CACNB2: variants seen among roughly 807,000 people sequenced by gnomAD.
CACNB2 encodes calcium voltage-gated channel auxiliary subunit beta 2, also known as voltage-dependent L-type calcium channel subunit beta-2.
In CACNB2, 42 loss-of-function variants were observed where a neutral mutation model predicts 73.3. The ratio of observed to expected loss-of-function variants is 0.57; its 90% confidence interval spans 0.45 to 0.74. The LOEUF (loss-of-function observed/expected upper bound fraction) is 0.74, where lower values mean the gene tolerates loss of function less well. Ranked by LOEUF, CACNB2 falls within the 30% of genes least tolerant of loss-of-function variation. The pLI is 0.00. For synonymous variants in CACNB2, 348 were observed against 310.3 expected (o/e 1.12, Z -1.28); for missense variants, 940 against 853.0 (o/e 1.10, Z -1.27).
intron 2 of CACNB2, among the ~76,000 whole-genome samples, chr10:18,388,818 T>C (rs1219162301): frequency 6.6e-6 from 1 of 152,222 alleles, no homozygotes; most frequent in African/African-American, 2.4e-5. Context: ...TTCTTTTAAT[T>C]ATTTTCTTGC....
intron 2 of CACNB2, among the ~76,000 whole-genome samples, chr10:18,261,677 G>A (rs550802039): frequency 6.6e-6 from 1 of 152,092 alleles, no homozygotes; most frequent in East Asian, 1.9e-4. Flanking sequence ...ATGGGATGGT[G>A]GGGGGAAGAA....
At chr10:18,228,110 G>C (rs961016768) in intron 2 of CACNB2, among the ~76,000 whole-genome samples, 1 of 152,154 alleles carries the variant, frequency 6.6e-6, no homozygotes, top group Non-Finnish European at 1.5e-5. Context: ...TGGGTTAGTT[G>C]ATGGTTCATT....
intron 10 of CACNB2, among the ~76,000 whole-genome samples, chr10:18,529,982 A>T (rs1343437139): frequency 2.0e-5 from 3 of 152,210 alleles, no homozygotes; most frequent in Non-Finnish European, 4.4e-5. Flanking sequence ...GAGCAAAGTC[A>T]CATCTTACAT....
intron 3 of CACNB2, among the ~76,000 whole-genome samples, chr10:18,486,097 G>C (rs115301613): frequency 6.6e-6 from 1 of 152,004 alleles, no homozygotes; most frequent in Non-Finnish European, 1.5e-5. Context: ...ATTCACCTTT[G>C]TATTAGGAAA....
chr10:18,294,818 G>C (rs929951501), intron 2 of CACNB2, among the ~76,000 whole-genome samples: 3 of 152,184 alleles, frequency 2.0e-5, no homozygotes, highest in African/African-American at 7.2e-5. Flanking sequence ...GTATGTATTT[G>C]CATATCTTTA....
intron 2 of CACNB2, among the ~76,000 whole-genome samples, chr10:18,308,277 A>G (rs1442076457): frequency 1.3e-5 from 2 of 152,118 alleles, no homozygotes; most frequent in Non-Finnish European, 2.9e-5. Context: ...TATAGGCGTG[A>G]ACCACCACGC....
At chr10:18,496,462 C>T (rs183268663) in intron 3 of CACNB2, among the ~76,000 whole-genome samples, 12 of 152,214 alleles carry the variant, frequency 7.9e-5, no homozygotes, top group African/African-American at 2.4e-4. Context: ...AGGTAGAGAG[C>T]GCATTGAATA....
intron 2 of CACNB2, among the ~76,000 whole-genome samples, chr10:18,172,221 G>A (rs369130617): frequency 4.6e-5 from 7 of 152,110 alleles, no homozygotes; most frequent in Non-Finnish European, 8.8e-5. Context: ...AAAATTAGCC[G>A]AGTGTAGTGG....
chr10:18,443,257 G>A (rs1440283063), intron 3 of CACNB2, among the ~76,000 whole-genome samples: 1 of 151,802 alleles, frequency 6.6e-6, no homozygotes, highest in Non-Finnish European at 1.5e-5. Flanking sequence ...GCAAACGAGG[G>A]CCAGTGAGAA....
intron 2 of CACNB2, among the ~76,000 whole-genome samples, chr10:18,182,703 T>C (rs1359174864): frequency 6.6e-6 from 1 of 151,278 alleles, no homozygotes; most frequent in Non-Finnish European, 1.5e-5. Flanking sequence ...GCACCTGTAA[T>C]CCCTGCTACT....
intron 2 of CACNB2, among the ~76,000 whole-genome samples, chr10:18,245,631 T>C (rs1435109715): frequency 6.6e-6 from 1 of 152,126 alleles, no homozygotes; most frequent in Non-Finnish European, 1.5e-5. Flanking sequence ...ACACCTGGTC[T>C]CCTCCTGTTC....
intron 2 of CACNB2, among the ~76,000 whole-genome samples, chr10:18,370,078 T>C (rs1015800961): frequency 6.6e-6 from 1 of 152,246 alleles, no homozygotes; most frequent in Admixed American, 6.5e-5. Flanking sequence ...AATGGCAATG[T>C]TTATATCTGC....
In CACNB2 at chr10:18,538,182, G is replaced by A. The variant is rs201796438; in HGVS notation, c.1305G>A (p.Glu435=). ...GTCTGGAATGTCTGCCTCTGCAGGA[G>A]CTGTTCGATGTGATCTTGGATGAGA... ...AADKLAQCPP[E]LFDVILDENQ... is the part of the protein sequence containing the mutation. The change falls in exon 13 of 14, where the codon GAG becomes GAA. Residue 435 remains glutamate, a splice_region_variant and synonymous_variant. Coordinates refer to ENST00000324631, the MANE Select transcript of CACNB2 (RefSeq NM_201596.3). The A allele has an allele frequency of 1.2e-6, 2 of 1,614,150 alleles. No homozygotes were observed. Among genetic ancestry groups the A allele is most frequent in the Non-Finnish European group, 1.7e-6 (2 of 1,180,002 alleles).
At chr10:18,463,139 AC>A (rs891536283) in intron 3 of CACNB2, among the ~76,000 whole-genome samples, 1 of 152,046 alleles carries the variant, frequency 6.6e-6, no homozygotes, top group Non-Finnish European at 1.5e-5. Context: ...TCTTGCCACC[AC>A]CAAATCTGTA....
At chr10:18,350,270 AAATAAT>A (rs1416535201) in intron 2 of CACNB2, among the ~76,000 whole-genome samples, 54 of 152,238 alleles carry the variant, frequency 3.5e-4, no homozygotes, top group Middle Eastern at 3.4e-3. Flanking sequence ...AAAATAATAA[AAATAAT>A]AATAATAATT....
Position 18,438,061 on chromosome 10 carries a change from A to G in CACNB2, c.333+36018A>G, listed in dbSNP as rs569316299. ...GAGATGAAGTCTCGCTCTGTCACCCAGGCTGGAATGCAGTGGCGCTATCTC... is the reference window on the plus strand; with the variant it reads ...GAGATGAAGTCTCGCTCTGTCACCCGGGCTGGAATGCAGTGGCGCTATCTC... On this transcript the variant is annotated intron_variant, in intron 3 of 13. Transcript: ENST00000324631. 6.3e-3 allele frequency among the ~76,000 whole-genome samples: 680 copies of G among 108,388 alleles called. 3 individuals are homozygous for G. Among genetic ancestry groups the G allele is most frequent in the Admixed American group, 1.0e-2 (68 of 6,834 alleles). The allele number at this position is 108,388 out of a possible 152,430, so 71.1% of individuals were successfully genotyped here.
chr10:18,184,772 G>A (rs1036740220), intron 2 of CACNB2, among the ~76,000 whole-genome samples: 2 of 147,020 alleles, frequency 1.4e-5, no homozygotes, highest in African/African-American at 5.1e-5. Context: ...ATGCAGGTTT[G>A]TTACCTAGGT....
intron 2 of CACNB2, among the ~76,000 whole-genome samples, chr10:18,370,943 A>T (rs2042555697): frequency 1.3e-5 from 2 of 152,304 alleles, no homozygotes; most frequent in South Asian, 4.1e-4. Flanking sequence ...ACATTCTCTT[A>T]CCTAAATATT....
In CACNB2 at chr10:18,310,605, CAAAAAAAA is replaced by C. The variant is rs1157466238; in HGVS notation, c.214-91303_214-91296del. On this transcript the variant is annotated intron_variant, in intron 2 of 13. Transcript: ENST00000324631. The stretch of plus-strand genomic sequence containing the variant: ...GGGCAATAATAGCAAAACTCCATCT[CAAAAAAAA>C]AAAAAAAAAAAAAAAGTAAAAAAAA... 6.0e-3 allele frequency among the ~76,000 whole-genome samples: 221 copies of C among 36,864 alleles called. 1 individual carries two copies. The highest frequency in any genetic ancestry group is 0.023 in the Middle Eastern group (1 of 44). 24.2% of individuals were successfully genotyped at this position (36,864 alleles called of 152,430 possible).
Sources: allele counts gnomAD v4.1 joint callset (sites outside exome capture counted in the v4.1 genomes callset), GRCh38; gene constraint gnomAD v4.1.1; transcripts MANE v1.5; gene names NCBI Gene and HGNC (gene_info 2026-07-23, HGNC 2026-07-21).